Variants in SIRT2 observed in about 807,000 individuals in gnomAD.
SIRT2 encodes sirtuin 2, also known as NAD-dependent protein deacetylase sirtuin-2.
SIRT2 carries 40 observed loss-of-function variants against 57.4 expected under a neutral mutation model. The observed-to-expected ratio is 0.70, with a 90% CI of 0.54 to 0.91. The LOEUF (loss-of-function observed/expected upper bound fraction) is 0.91, where lower values mean the gene tolerates loss of function less well. Among genes scored for constraint, SIRT2 ranks in the 40% least tolerant of loss-of-function variants. The pLI, the probability that SIRT2 is intolerant of heterozygous loss-of-function variation, is 0.00. For synonymous variants in SIRT2, 161 were observed against 195.7 expected, an observed-to-expected ratio of 0.82 and a Z score of 1.48; for missense variants, 439 against 510.4, an observed-to-expected ratio of 0.86 and a Z score of 1.35.
intron 2 of SIRT2, among the ~76,000 whole-genome samples, chr19:38,895,595 G>C (rs1451355556): frequency 6.6e-6 from 1 of 152,206 alleles, no homozygotes; most frequent in African/African-American, 2.4e-5. Context: ...TTTTGAATAA[G>C]ACCCTCCCTT....
intron 6 of SIRT2, 41 bp from the exon 7 acceptor site, chr19:38,889,786 C>T (rs563953734): frequency 8.1e-6 from 13 of 1,614,018 alleles, no homozygotes; most frequent in Middle Eastern, 1.7e-4. Context: ...CCCCAGGTAG[C>T]GTGAGGGTTG....
chr19:38,898,495 G>C (rs764276755), intron 1 of SIRT2, 70 bp from the exon 2 acceptor site: 19 of 825,920 alleles, frequency 2.3e-5, no homozygotes, highest in Non-Finnish European at 3.5e-5. Flanking sequence ...GGTTCAAATG[G>C]TCAGTGAGGG....
In SIRT2 at chr19:38,880,744, G is replaced by A. The variant is rs374714453; in HGVS notation, c.825-8C>T. On this transcript the variant is annotated splice_polypyrimidine_tract_variant and splice_region_variant and intron_variant, in intron 12 of 15. Coordinates refer to ENST00000249396, the MANE Select transcript of SIRT2 (RefSeq NM_012237.4). The surrounding 1 kb of genome is among the most constrained non-coding windows in gnomAD (Gnocchi z 4.1). Reference sequence around the variant, plus strand: ...GGGGTGGAGAGGGGTGCCCTGTGGGGAGGGGGAGCTAAGGGGTCAGGGTCT... The same window carrying A: ...GGGGTGGAGAGGGGTGCCCTGTGGGAAGGGGGAGCTAAGGGGTCAGGGTCT... 6.2e-7 allele frequency: 1 copy of A among 1,608,834 alleles called. No homozygotes were observed. Among genetic ancestry groups the A allele is most frequent in the Non-Finnish European group, 8.5e-7 (1 of 1,176,172 alleles).
At chr19:38,892,895 G>A (rs1255907797) in intron 4 of SIRT2, among the ~76,000 whole-genome samples, 1 of 152,048 alleles carries the variant, frequency 6.6e-6, no homozygotes, top group Non-Finnish European at 1.5e-5. Flanking sequence ...AATTTATTTA[G>A]CCCCGCCAAT....
intron 2 of SIRT2, 26 bp downstream of exon 2, chr19:38,898,352 TC>T: frequency 7.0e-7 from 1 of 1,437,790 alleles, no homozygotes; most frequent in Non-Finnish European, 9.2e-7. Flanking sequence ...GTCTCTCTCC[TC>T]CCCTCCACCC....
Position 38,880,992 on chromosome 19 carries a change from T to A in SIRT2, c.748-95A>T. The stretch of plus-strand genomic sequence containing the variant: ...CAGCAAACCTCCCTGCCGCCCCCCA[T>A]AGCTGGGGAGGTGACCTTTCCTGAG... On this transcript the variant is annotated intron_variant, in intron 11 of 15. Coordinates refer to ENST00000249396, the MANE Select transcript of SIRT2 (RefSeq NM_012237.4). This position sits in a 1 kb window ranked among gnomAD's most constrained non-coding sequence, Gnocchi z 4.1. 1.3e-6 allele frequency: 2 copies of A among 1,527,896 alleles called. No individual in the cohort carries two copies. Among genetic ancestry groups the A allele is most frequent in the Non-Finnish European group, 1.8e-6 (2 of 1,109,272 alleles). 94.6% of individuals were successfully genotyped at this position (1,527,896 alleles called of 1,614,324 possible). A position where few individuals can be genotyped will look rare whatever the true frequency, so the allele number is the denominator to read the frequency against.
At chr19:38,891,644 G>C in intron 4 of SIRT2, 1 of 304,946 alleles carries the variant, frequency 3.3e-6, no homozygotes, top group Non-Finnish European at 6.5e-6. Flanking sequence ...TTATTGCCCA[G>C]GCTAGTCTTG....
intron 2 of SIRT2, chr19:38,894,548 C>T (rs117936561): frequency 0.013 from 3,983 of 295,170 alleles, 39 homozygotes; most frequent in Non-Finnish European, 0.02. Flanking sequence ...GTCTTCCCTT[C>T]GTTCCCGGGT....
At chr19:38,897,811 C>G (rs1273139265) in intron 2 of SIRT2, among the ~76,000 whole-genome samples, 1 of 152,184 alleles carries the variant, frequency 6.6e-6, no homozygotes, top group Non-Finnish European at 1.5e-5. Flanking sequence ...CAAGCATGAG[C>G]CACTGTGTCT....
intron 2 of SIRT2, 174 bp from the exon 3 acceptor site, chr19:38,894,041 G>A (rs1202268152): frequency 3.4e-5 from 48 of 1,393,350 alleles, no homozygotes; most frequent in Non-Finnish European, 4.6e-5. Context: ...AGGCTGCCGG[G>A]GTTGGAGTCC....
At position 38,883,681 on chromosome 19, in the gene SIRT2, A is replaced by T; in HGVS notation, c.577T>A (p.Ser193Thr). The T allele has an allele frequency of 1.2e-6, 2 of 1,614,132 alleles. No individual in the cohort carries two copies. Among genetic ancestry groups the T allele is most frequent in the Non-Finnish European group, 1.7e-6 (2 of 1,179,998 alleles). The part of the protein sequence containing the change: ...LVEAHGTFYT[S>T]HCVSASCRHE... ...CGGCAGCTGGCGCTGACGCAGTGTG[A>T]TGTGTAGAAGGTGCCGTGCGCCTCC... is the stretch of plus-strand genomic sequence containing the variant. The change falls in exon 9 of 16, where the codon TCA (serine) becomes ACA (threonine). Residue 193 changes from serine to threonine, a missense_variant. Ser to Thr is a moderately conservative substitution (Grantham distance 58). Transcript: ENST00000249396.
At chr19:38,889,427 C>A in intron 7 of SIRT2, 1 of 674,778 alleles carries the variant, frequency 1.5e-6, no homozygotes, top group Non-Finnish European at 2.7e-6. Context: ...CCCGGGCTCT[C>A]AACGGCATCA....
chr19:38,883,632 A>G lies in SIRT2; in HGVS notation c.626T>C (p.Met209Thr). 1 of 1,613,706 alleles carries G rather than the reference A, an allele frequency of 6.2e-7. No homozygotes were observed. Among genetic ancestry groups the G allele is most frequent in the South Asian group, 1.1e-5 (1 of 91,082 alleles). Residue 209 changes from methionine to threonine, a missense_variant, in exon 9 of 16, where the codon ATG becomes ACG. Met to Thr is a moderately conservative substitution (Grantham distance 81). Transcript: ENST00000249396. ...SCRHEYPLSW[M>T]KEKIFSEVTP... ...AGGATGCCCTCCAGCCTCACCTTTC[A>G]TCCAGCTTAGCGGGTATTCGTGCCG...
chr19:38,894,781 T>C (rs908965716), intron 2 of SIRT2: 201 of 456,094 alleles, frequency 4.4e-4, no homozygotes, highest in African/African-American at 3.7e-3. Context: ...GGCAGGTCTC[T>C]GGGACTCTGT....
Position 38,879,102 on chromosome 19 carries a change from TG to T in SIRT2, c.*52del. ...TGGTTAAGAGGGGGCCAGGCCCGGT[TG>T]GGGCTCAGCTGTCCCTGAGGAGCTC... On this transcript the variant is annotated 3_prime_UTR_variant, in exon 16 of 16. Coordinates refer to ENST00000249396, the MANE Select transcript of SIRT2 (RefSeq NM_012237.4). The T allele has an allele frequency of 2.0e-6, 3 of 1,509,764 alleles. No individual in the cohort carries two copies. The highest frequency in any genetic ancestry group is 2.6e-6 in the Non-Finnish European group (3 of 1,133,104). The allele number at this position is 1,509,764 out of a possible 1,614,324, so 93.5% of individuals were successfully genotyped here.
At chr19:38,899,415 C>G in intron 1 of SIRT2, 91 bp downstream of exon 1, 1 of 1,458,620 alleles carries the variant, frequency 6.9e-7, no homozygotes, top group Non-Finnish European at 9.5e-7. Flanking sequence ...CTACTTCCCG[C>G]CCCACCGCGG....
At chr19:38,890,235 C>T in intron 4 of SIRT2, 91 bp from the exon 5 acceptor site, 1 of 1,324,990 alleles carries the variant, frequency 7.5e-7, no homozygotes, top group Non-Finnish European at 1.1e-6. Context: ...TCGTTTACTC[C>T]ATGCCAGGCC....
chr19:38,880,765 G>A lies in SIRT2; in HGVS notation c.825-29C>T, dbSNP rs1465173962. 2 of 1,611,382 alleles carry A rather than the reference G, an allele frequency of 1.2e-6. No individual in the cohort carries two copies. The highest frequency in any genetic ancestry group is 1.3e-5 in the African/African-American group (1 of 74,834). ...TGGGGAGGGGGAGCTAAGGGGTCAG[G>A]GTCTGTCCTGGCCCTGGGTGCCCAG... On this transcript the variant is annotated intron_variant, in intron 12 of 15. Transcript: ENST00000249396. The surrounding 1 kb of genome is among the most constrained non-coding windows in gnomAD (Gnocchi z 4.1).
rs1048539766 is a variant in SIRT2, at chr19:38,880,961, C to G, written c.748-64G>C. The G allele has an allele frequency of 6.4e-7, 1 of 1,570,526 alleles. No homozygotes were observed. Among genetic ancestry groups the G allele is most frequent in the Non-Finnish European group, 8.7e-7 (1 of 1,144,174 alleles). ...GCTGCGCCACCGCTCCCTCCCCCGC[C>G]CCCAGCAGCAAACCTCCCTGCCGCC... On this transcript the variant is annotated intron_variant, in intron 11 of 15. Coordinates refer to ENST00000249396, the MANE Select transcript of SIRT2 (RefSeq NM_012237.4). This position sits in a 1 kb window ranked among gnomAD's most constrained non-coding sequence, Gnocchi z 4.1.
Sources: gnomAD v4.1 joint callset for allele counts (sites outside exome capture counted in the v4.1 genomes callset) on GRCh38, gnomAD v4.1.1 for gene constraint, Gnocchi (gnomAD v3.1) non-coding constraint, MANE v1.5 for transcripts, NCBI Gene and HGNC (gene_info 2026-07-23, HGNC 2026-07-21) for gene names.